Variants in ACACB observed in about 807,000 individuals in gnomAD.
The protein encoded by ACACB is acetyl-CoA carboxylase beta.
ACACB carries 209 observed loss-of-function variants against 278.8 expected under a neutral mutation model. The ratio of observed to expected loss-of-function variants is 0.75; its 90% CI spans 0.67 to 0.84. ACACB has a LOEUF of 0.84. Among genes scored for constraint, ACACB ranks in the 40% least tolerant of loss-of-function variants. ACACB has a pLI of 0.00. For synonymous variants in ACACB, 1,174 were observed against 1,285.6 expected (o/e 0.91, Z 1.86); for missense variants, 2,850 against 3,269.0 (o/e 0.87, Z 3.13).
intron 22 of ACACB, among the ~76,000 whole-genome samples, 177 bp from the exon 23 acceptor site, chr12:109,216,441 C>T (rs1291132762): frequency 6.6e-5 from 10 of 151,262 alleles, no homozygotes; most frequent in Admixed American, 4.0e-4. Flanking sequence ...AGGCTGGTCT[C>T]GATCTCTTGA....
In ACACB at chr12:109,170,040, C is replaced by T. The variant is rs541819668; in HGVS notation, c.926-1765C>T. On this transcript the variant is annotated intron_variant, in intron 4 of 52. Coordinates refer to ENST00000338432, the MANE Select transcript of ACACB (RefSeq NM_001093.4). ...TGTGTTTGGATTGAGTCTAACTTTT[C>T]CTAGTCCAAAACACTGCTCAGTGGC... Among the ~76,000 whole-genome samples, 8 of 152,316 alleles carry T rather than the reference C, an allele frequency of 5.3e-5. No individual in the cohort carries two copies. The South Asian group carries it at 1.5e-3, about 28-fold the overall frequency.
chr12:109,253,757 G>A (rs2047155859), intron 43 of ACACB, among the ~76,000 whole-genome samples: 1 of 152,114 alleles, frequency 6.6e-6, no homozygotes, highest in Non-Finnish European at 1.5e-5. Flanking sequence ...GAGAGGTTGG[G>A]TTTACAGAGT....
In ACACB at chr12:109,135,604, A is replaced by G. The variant is rs2042947048; in HGVS notation, c.-9-3793A>G. On this transcript the variant is annotated intron_variant, in intron 1 of 52. Transcript: ENST00000338432. The stretch of plus-strand genomic sequence containing the variant: ...TCCAATGCTTGTGGTGTCATATCTA[A>G]GAATCAATTGACAAATCCAAGGTCA... 5.9e-5 allele frequency among the ~76,000 whole-genome samples: 9 copies of G among 151,996 alleles called. No homozygotes were observed. The South Asian group carries it at 1.9e-3, about 32-fold the overall frequency.
At chr12:109,151,397 C>T (rs908980530) in intron 2 of ACACB, among the ~76,000 whole-genome samples, 2 of 152,102 alleles carry the variant, frequency 1.3e-5, no homozygotes, top group African/African-American at 2.4e-5. Flanking sequence ...TCCCCTCCCC[C>T]TTAAGCATCA....
chr12:109,204,051 G>A (rs1318652062), intron 19 of ACACB, among the ~76,000 whole-genome samples: 1 of 151,828 alleles, frequency 6.6e-6, no homozygotes, highest in Admixed American at 6.6e-5. Flanking sequence ...ATTATTATGG[G>A]TACATAATAG....
intron 43 of ACACB, among the ~76,000 whole-genome samples, chr12:109,253,549 C>T (rs1305031758): frequency 6.6e-6 from 1 of 152,102 alleles, no homozygotes; most frequent in African/African-American, 2.4e-5. Flanking sequence ...AGCCTGTTTC[C>T]TCATCTGTGA....
chr12:109,209,556 C>A (rs562826975), intron 21 of ACACB, among the ~76,000 whole-genome samples: 3 of 152,116 alleles, frequency 2.0e-5, no homozygotes, highest in Non-Finnish European at 4.4e-5. Flanking sequence ...TTTGAATGAA[C>A]ATCAGTATTC....
chr12:109,121,914 G>A (rs937091353), intron 1 of ACACB, among the ~76,000 whole-genome samples: 2 of 152,238 alleles, frequency 1.3e-5, no homozygotes, highest in Admixed American at 6.5e-5. Context: ...AGGTCAGCAC[G>A]TGATGAATGG....
chr12:109,209,912 C>CGTGTATATATGTGTATACACACACACGT (rs2045646863), intron 21 of ACACB, among the ~76,000 whole-genome samples: 1 of 61,182 alleles, frequency 1.6e-5, no homozygotes, highest in Non-Finnish European at 3.5e-5. Flanking sequence ...CATACACACA[C>CGTGTATATATGTGTATACACACACACGT]GTGTGTATAT....
intron 22 of ACACB, among the ~76,000 whole-genome samples, chr12:109,215,644 A>G (rs190173295): frequency 0.049 from 7,476 of 152,156 alleles, 235 homozygotes; most frequent in Middle Eastern, 0.075. Context: ...AGGCGCCTGT[A>G]GTCCCAGCTA....
chr12:109,248,658 G>A (rs751028525), intron 40 of ACACB, among the ~76,000 whole-genome samples: 2 of 152,152 alleles, frequency 1.3e-5, no homozygotes, highest in Admixed American at 6.5e-5. Flanking sequence ...TTTTCTAGCC[G>A]CGCTGGCAGC....
rs942712421 is a variant in ACACB at position 109,259,079 on chromosome 12, A to G, written c.6467A>G (p.Asn2156Ser). The G allele has an allele frequency of 8.1e-6, 13 of 1,613,798 alleles. No individual in the cohort carries two copies. Among genetic ancestry groups the G allele is most frequent in the Admixed American group, 3.3e-5 (2 of 59,992 alleles). The change falls in exon 47 of 53, where the codon AAC (asparagine) becomes AGC (serine). Residue 2156 changes from asparagine to serine, a missense_variant. Coordinates refer to ENST00000338432, the MANE Select transcript of ACACB (RefSeq NM_001093.4). ...REKLPLMIFANWRGFSGGMKD... is the reference protein window; with the variant it reads ...REKLPLMIFASWRGFSGGMKD... ...AAGTTGCCCCTGATGATCTTTGCCA[A>G]CTGGAGGGGGTTCTCCGGTGGCATG... is the stretch of plus-strand genomic sequence containing the variant.
intron 2 of ACACB, 40 bp from the exon 3 acceptor site, chr12:109,166,821 C>T (rs1320885614): frequency 6.2e-7 from 1 of 1,613,628 alleles, no homozygotes; most frequent in African/African-American, 1.3e-5. Flanking sequence ...TCCCAGGCTT[C>T]TTCCCTCATG....
chr12:109,185,936 T>C (rs1312635242), intron 12 of ACACB, among the ~76,000 whole-genome samples, 196 bp downstream of exon 12: 1 of 152,100 alleles, frequency 6.6e-6, no homozygotes, highest in Non-Finnish European at 1.5e-5. Context: ...TTTTTATTTA[T>C]TTTTATTTTT....
At chr12:109,117,216 C>T (rs1275172575) in intron 1 of ACACB, among the ~76,000 whole-genome samples, 2 of 151,256 alleles carry the variant, frequency 1.3e-5, no homozygotes, top group Non-Finnish European at 3.0e-5. Flanking sequence ...AAAAATTAGC[C>T]AGATGTGGTG....
At chr12:109,228,050 A>T (rs1045016240) in intron 28 of ACACB, among the ~76,000 whole-genome samples, 139 of 150,386 alleles carry the variant, frequency 9.2e-4, no homozygotes, top group Non-Finnish European at 1.6e-3. Flanking sequence ...AAAAAAAAAA[A>T]GAGGCCAAAC....
At chr12:109,198,864 C>A (rs11065808) in intron 17 of ACACB, among the ~76,000 whole-genome samples, 2 of 151,598 alleles carry the variant, frequency 1.3e-5, no homozygotes, top group Non-Finnish European at 1.5e-5. Context: ...GGCCTCAAGC[C>A]ATCCTCCCAC....
chr12:109,210,254 C>CAT (rs1344198344), intron 21 of ACACB, among the ~76,000 whole-genome samples: 288 of 24,576 alleles, frequency 0.012, 53 homozygotes, highest in African/African-American at 0.049. Flanking sequence ...TATATACACA[C>CAT]ATGTGTGTAT....
chr12:109,176,387 G>A (rs2044283903), intron 9 of ACACB, 124 bp downstream of exon 9: 16 of 873,906 alleles, frequency 1.8e-5, no homozygotes, highest in South Asian at 6.2e-5. Flanking sequence ...TGGATGTATC[G>A]TTGTATCGTA....
Sources: allele counts gnomAD v4.1 joint callset (sites outside exome capture counted in the v4.1 genomes callset), GRCh38; gene constraint gnomAD v4.1.1; transcripts MANE v1.5; gene names NCBI Gene and HGNC (gene_info 2026-07-23, HGNC 2026-07-21).